Variants in ZFHX3 observed in about 807,000 individuals in gnomAD.
ZFHX3 encodes the protein zinc finger homeobox protein 3.
ZFHX3 carries 42 observed loss-of-function variants against 279.1 expected under a neutral mutation model. The observed-to-expected ratio is 0.15, with a 90% CI of 0.12 to 0.19. The LOEUF is 0.19. Among genes scored for constraint, ZFHX3 ranks in the 10% least tolerant of loss-of-function variants. ZFHX3 has a pLI of 1.00. For synonymous variants in ZFHX3, 2,293 were observed against 1,957.8 expected, an observed-to-expected ratio of 1.17 and a Z score of -4.52; for missense variants, 4,981 against 4,754.0, an observed-to-expected ratio of 1.05 and a Z score of -1.40.
chr16:73,340,570 C>T (rs1276211857), intron 3 of ZFHX3, among the ~76,000 whole-genome samples: 1 of 152,148 alleles, frequency 6.6e-6, no homozygotes, highest in Non-Finnish European at 1.5e-5. Flanking sequence ...GAGACGAAGT[C>T]TCACCATGTT....
intron 3 of ZFHX3, among the ~76,000 whole-genome samples, chr16:73,372,290 G>GA (rs2016644770): frequency 6.6e-6 from 1 of 151,050 alleles, no homozygotes; most frequent in South Asian, 2.1e-4. Context: ...ATTAAACAAG[G>GA]TTTTTTTTTA....
intron 3 of ZFHX3, among the ~76,000 whole-genome samples, chr16:73,352,470 CTCTCTTTTTTTT>C (rs1221273124): frequency 1.6e-5 from 2 of 124,392 alleles, no homozygotes; most frequent in African/African-American, 4.0e-5. Flanking sequence ...CTCTCTCTCT[CTCTCTTTTTTTT>C]TTTTTTTTTT....
intron 2 of ZFHX3, among the ~76,000 whole-genome samples, chr16:73,534,240 C>T (rs2019855802): frequency 6.6e-6 from 1 of 152,150 alleles, no homozygotes; most frequent in Non-Finnish European, 1.5e-5. Context: ...ACTTTAGGGC[C>T]TTTGTACTTG....
chr16:72,824,506 A>C (rs1417346130), intron 5 of ZFHX3, among the ~76,000 whole-genome samples: 1 of 152,144 alleles, frequency 6.6e-6, no homozygotes, highest in East Asian at 1.9e-4. Context: ...TTTTTGAAGC[A>C]TTATTGTGGT....
chr16:72,933,231 T>C (rs78570035), intron 3 of ZFHX3, among the ~76,000 whole-genome samples: 6,185 of 152,092 alleles, frequency 0.041, 300 homozygotes, highest in African/African-American at 0.1. Context: ...CTACCTCTAG[T>C]GAAATGTATG....
intron 2 of ZFHX3, among the ~76,000 whole-genome samples, chr16:73,562,353 T>G (rs2020382665): frequency 6.6e-6 from 1 of 152,084 alleles, no homozygotes; most frequent in African/African-American, 2.4e-5. Flanking sequence ...CCCAGCACTT[T>G]GGGAGGCCAA....
chr16:73,397,741 C>T (rs1482753791), intron 3 of ZFHX3, among the ~76,000 whole-genome samples: 2 of 150,794 alleles, frequency 1.3e-5, no homozygotes, highest in African/African-American at 4.9e-5. Context: ...GGGTGAAAAA[C>T]AGTTCTTATC....
intron 7 of ZFHX3, among the ~76,000 whole-genome samples, chr16:73,112,715 CA>C (rs56149570): frequency 0.019 from 572 of 30,226 alleles, 2 homozygotes; most frequent in South Asian, 0.033. Context: ...GACTCCATCT[CA>C]AAAAAAAAAA....
At chr16:73,662,712 A>G (rs2052798379) in intron 2 of ZFHX3, among the ~76,000 whole-genome samples, 2 of 152,230 alleles carry the variant, frequency 1.3e-5, no homozygotes, top group Non-Finnish European at 2.9e-5. Flanking sequence ...CTGAAAGCGA[A>G]CAATTTCATT....
chr16:73,143,891 G>A (rs1411557758), intron 5 of ZFHX3: 7 of 633,428 alleles, frequency 1.1e-5, no homozygotes, highest in African/African-American at 9.7e-5. Context: ...AACCTTCGCA[G>A]GCCAAGTGGC....
chr16:72,925,614 T>C (rs1959407128), intron 3 of ZFHX3, among the ~76,000 whole-genome samples: 1 of 152,258 alleles, frequency 6.6e-6, no homozygotes, highest in South Asian at 2.1e-4. Flanking sequence ...TCCCGTGTCT[T>C]TCCCTTATCT....
Position 72,798,238 on chromosome 16 carries a change from C to A in ZFHX3, c.4444G>T (p.Ala1482Ser). 6.2e-7 allele frequency: 1 copy of A among 1,614,166 alleles called. No individual in the cohort carries two copies. The highest frequency in any genetic ancestry group is 8.5e-7 in the Non-Finnish European group (1 of 1,180,040). The change falls in exon 9 of 10, where the codon GCA (alanine) becomes TCA (serine). Residue 1482 changes from alanine to serine, a missense_variant. Ala to Ser is a moderately conservative substitution (Grantham distance 99, BLOSUM62 1). Transcript: ENST00000268489. Reference protein sequence around the residue: ...DLLAMGDPTLAEDHTIIVEED... With the variant: ...DLLAMGDPTLSEDHTIIVEED... ...TCAACAATTATGGTATGGTCCTCTGCCAGAGTGGGGTCTCCCATTGCCAGG... is the reference window on the plus strand; with the variant it reads ...TCAACAATTATGGTATGGTCCTCTGACAGAGTGGGGTCTCCCATTGCCAGG...
chr16:73,379,922 C>G (rs1336126599), intron 3 of ZFHX3, among the ~76,000 whole-genome samples: 1 of 152,110 alleles, frequency 6.6e-6, no homozygotes, highest in African/African-American at 2.4e-5. Flanking sequence ...AAACAACCAC[C>G]AGAAATTTTG....
At chr16:73,016,536 G>T (rs1483131374) in intron 1 of ZFHX3, among the ~76,000 whole-genome samples, 1 of 152,064 alleles carries the variant, frequency 6.6e-6, no homozygotes, top group Non-Finnish European at 1.5e-5. Flanking sequence ...AATTCTTTAT[G>T]CTACTTGACC....
chr16:73,121,799 T>A (rs998954089), intron 7 of ZFHX3, among the ~76,000 whole-genome samples: 3 of 151,920 alleles, frequency 2.0e-5, no homozygotes, highest in Non-Finnish European at 4.4e-5. Context: ...GTATTTTTAG[T>A]AGAGACGGGG....
At chr16:73,538,904 G>A (rs1423938645) in intron 2 of ZFHX3, among the ~76,000 whole-genome samples, 2 of 152,078 alleles carry the variant, frequency 1.3e-5, no homozygotes, top group African/African-American at 2.4e-5. Flanking sequence ...CTACCTCAGT[G>A]GACTAACCTA....
intron 1 of ZFHX3, among the ~76,000 whole-genome samples, chr16:73,865,453 T>C (rs2892190): frequency 0.19 from 28,500 of 152,090 alleles, 4,705 homozygotes; most frequent in African/African-American, 0.43. Context: ...CATGTGTTCA[T>C]TGGGGAAGCT....
chr16:73,170,237 T>TTTTTTTTTTTA (rs1967490597), intron 5 of ZFHX3, among the ~76,000 whole-genome samples: 1 of 137,676 alleles, frequency 7.3e-6, no homozygotes, highest in Non-Finnish European at 1.6e-5. Flanking sequence ...TTTTTTTTTT[T>TTTTTTTTTTTA]TTTTTTTTTT....
At position 72,977,833 on chromosome 16, in the gene ZFHX3, G is replaced by A. The variant is rs866721850; in HGVS notation, c.-49-17639C>T. On this transcript the variant is annotated intron_variant, in intron 1 of 9. Transcript: ENST00000268489. ...ATTCAGGGGAAGTGAGAAGAAAAAG[G>A]GGAAGAAGAAAAGGACCAGGGATTT... Among the ~76,000 whole-genome samples the A allele has an allele frequency of 3.3e-5, 5 of 152,236 alleles. No homozygotes were observed. The East Asian group carries it at 9.7e-4, about 29-fold the overall frequency.
Sources: allele counts gnomAD v4.1 joint callset (sites outside exome capture counted in the v4.1 genomes callset), GRCh38; gene constraint gnomAD v4.1.1; transcripts MANE v1.5; gene names NCBI Gene and HGNC (gene_info 2026-07-23, HGNC 2026-07-21).